The following SLC24A2 variants were observed in gnomAD, a reference collection of about 807,000 sequenced individuals.
The protein encoded by SLC24A2 is sodium/potassium/calcium exchanger 2.
SLC24A2 carries 36 observed loss-of-function variants against 62.0 expected under a neutral mutation model. That is an observed-to-expected ratio of 0.58 (90% CI 0.44 to 0.77). The LOEUF (loss-of-function observed/expected upper bound fraction) is 0.77. Among genes scored for constraint, SLC24A2 ranks in the 30% least tolerant of loss-of-function variants. SLC24A2 has a pLI of 0.00. For synonymous variants in SLC24A2, 358 were observed against 294.0 expected, an observed-to-expected ratio of 1.22 and a Z score of -2.23; for missense variants, 846 against 817.9, an observed-to-expected ratio of 1.03 and a Z score of -0.42.
chr9:20,054,656 C>A, the SLC24A2 span, among the ~76,000 whole-genome samples: 5 of 152,086 alleles, frequency 3.3e-5, no homozygotes, highest in Admixed American at 1.3e-4. Context: ...TAGCTTAGAT[C>A]CCTCAGTTTA....
intron 5 of SLC24A2, among the ~76,000 whole-genome samples, chr9:19,581,987 A>T (rs1176591190): frequency 6.6e-6 from 1 of 152,204 alleles, no homozygotes; most frequent in African/African-American, 2.4e-5. Context: ...AAATCTCAGA[A>T]ATAGCAAACT....
At chr9:20,012,300 C>G in the SLC24A2 span, among the ~76,000 whole-genome samples, 1 of 152,148 alleles carries the variant, frequency 6.6e-6, no homozygotes, top group Admixed American at 6.5e-5. Context: ...TGGCAGCAGA[C>G]AAGAGACAAG....
At chr9:20,237,719 G>A in the SLC24A2 span, among the ~76,000 whole-genome samples, 1 of 152,140 alleles carries the variant, frequency 6.6e-6, no homozygotes, top group Admixed American at 6.5e-5. Context: ...GACTTGATCT[G>A]AGCAGTCTTA....
the SLC24A2 span, among the ~76,000 whole-genome samples, chr9:20,208,774 G>A: frequency 1.3e-5 from 2 of 152,166 alleles, no homozygotes. Context: ...AGTCATGACC[G>A]TGTTACGGGA....
chr9:19,979,248 G>C, the SLC24A2 span, among the ~76,000 whole-genome samples: 1 of 152,294 alleles, frequency 6.6e-6, no homozygotes, highest in Non-Finnish European at 1.5e-5. Context: ...GATTAAAAAT[G>C]CAGGTTCTGG....
chr9:19,582,507 C>T (rs1836237844), intron 5 of SLC24A2, among the ~76,000 whole-genome samples: 1 of 152,058 alleles, frequency 6.6e-6, no homozygotes, highest in Admixed American at 6.5e-5. Context: ...GGTGAACAGA[C>T]CATGGCTTGG....
chr9:19,795,068 C>T, the SLC24A2 span, among the ~76,000 whole-genome samples: 2 of 152,170 alleles, frequency 1.3e-5, no homozygotes, highest in African/African-American at 4.8e-5. Flanking sequence ...GAATACTGAA[C>T]TAAAATACTT....
chr9:19,873,920 T>C, the SLC24A2 span, among the ~76,000 whole-genome samples: 124 of 152,162 alleles, frequency 8.1e-4, no homozygotes, highest in Admixed American at 1.8e-3. Context: ...GCTGCTTTAA[T>C]GATAATTTGT....
chr9:20,259,058 A>G, the SLC24A2 span, among the ~76,000 whole-genome samples: 5 of 152,186 alleles, frequency 3.3e-5, no homozygotes, highest in Non-Finnish European at 5.9e-5. Context: ...AAACCTGGGA[A>G]GAATAGTAAG....
At chr9:19,729,060 A>G (rs1032350698) in intron 2 of SLC24A2, among the ~76,000 whole-genome samples, 1 of 152,166 alleles carries the variant, frequency 6.6e-6, no homozygotes, top group Non-Finnish European at 1.5e-5. Context: ...TGTCTGGTGC[A>G]TGAATAAGAA....
At chr9:20,114,904 G>A in the SLC24A2 span, among the ~76,000 whole-genome samples, 5 of 152,092 alleles carry the variant, frequency 3.3e-5, no homozygotes, top group African/African-American at 7.2e-5. Context: ...GACAAAAGAC[G>A]GACTGACAGG....
chr9:20,266,623 A>G, the SLC24A2 span, among the ~76,000 whole-genome samples: 1 of 152,194 alleles, frequency 6.6e-6, no homozygotes, highest in Non-Finnish European at 1.5e-5. Flanking sequence ...ATTATAAACA[A>G]TGGCATCCCA....
chr9:19,748,002 G>A (rs1821882955), intron 2 of SLC24A2, among the ~76,000 whole-genome samples: 2 of 152,184 alleles, frequency 1.3e-5, no homozygotes, highest in Admixed American at 6.5e-5. Flanking sequence ...TCCTGAGTGT[G>A]TGCTAAGGGC....
At chr9:19,866,844 T>C in the SLC24A2 span, among the ~76,000 whole-genome samples, 11 of 151,744 alleles carry the variant, frequency 7.2e-5, no homozygotes, top group Non-Finnish European at 1.5e-4. Context: ...TTATTATTTG[T>C]AGTATCTAAA....
the SLC24A2 span, among the ~76,000 whole-genome samples, chr9:20,142,199 C>G: frequency 6.6e-6 from 1 of 152,108 alleles, no homozygotes; most frequent in South Asian, 2.1e-4. Context: ...AAAGGCTCTT[C>G]GAAGAGTTCT....
Position 19,513,064 on chromosome 9 carries a change from T to C in SLC24A2, c.*3089A>G, listed in dbSNP as rs1176199362. ...TTTTCCTTGACTTTGGCAAACTTGA[T>C]GCTCCCTGCTTTAGAATCCTGAATG... On this transcript the variant is annotated 3_prime_UTR_variant, in exon 11 of 11. Transcript: ENST00000341998. The C allele has an allele frequency of 6.6e-6, 1 of 150,986 alleles. No individual in the cohort carries two copies. Among genetic ancestry groups the C allele is most frequent in the Non-Finnish European group, 1.5e-5 (1 of 67,916 alleles). The allele number at this position is 150,986 out of a possible 1,614,324, so 9.4% of individuals were successfully genotyped here.
the SLC24A2 span, among the ~76,000 whole-genome samples, chr9:20,050,754 C>T: frequency 6.6e-6 from 1 of 152,254 alleles, no homozygotes; most frequent in East Asian, 1.9e-4. Flanking sequence ...TTGGGCCTGA[C>T]TTAAAATTTT....
At chr9:19,923,563 G>A in the SLC24A2 span, among the ~76,000 whole-genome samples, 2 of 152,038 alleles carry the variant, frequency 1.3e-5, no homozygotes, top group Non-Finnish European at 2.9e-5. Context: ...CCACATTGCC[G>A]CAGTTCTGCT....
chr9:19,550,706 CTTTTT>C (rs10630327), intron 7 of SLC24A2, among the ~76,000 whole-genome samples: 4 of 145,070 alleles, frequency 2.8e-5, no homozygotes, highest in Non-Finnish European at 6.0e-5. Flanking sequence ...TTCTTTTTCT[CTTTTT>C]TTTTTTTTGG....
Sources: allele counts gnomAD v4.1 joint callset (sites outside exome capture counted in the v4.1 genomes callset), GRCh38; gene constraint gnomAD v4.1.1; transcripts MANE v1.5; gene names NCBI Gene and HGNC (gene_info 2026-07-23, HGNC 2026-07-21).